COBL: variants seen among roughly 807,000 people sequenced by gnomAD.
COBL encodes the protein cordon-bleu WH2 repeat protein, also known as protein cordon-bleu.
Under a neutral mutation model 98.8 loss-of-function variants are expected in COBL, and 51 were observed. The ratio of observed to expected loss-of-function variants is 0.52; its 90% CI spans 0.41 to 0.65. The LOEUF is 0.65. Ranked by LOEUF, COBL falls within the 30% of genes least tolerant of loss-of-function variation. COBL has a pLI of 0.00. For missense variants in COBL, 1,617 were observed against 1,617.5 expected (o/e 1.00, Z 0.01); for synonymous variants, 634 against 651.7 (o/e 0.97, Z 0.41).
intron 4 of COBL, among the ~76,000 whole-genome samples, chr7:51,188,169 A>G (rs970703112): frequency 3.9e-5 from 6 of 152,256 alleles, no homozygotes; most frequent in African/African-American, 1.4e-4. Flanking sequence ...CGCAGGTGGC[A>G]GCAGAGCCCT....
intron 7 of COBL, among the ~76,000 whole-genome samples, chr7:51,050,452 G>C (rs78547956): frequency 0.019 from 2,883 of 152,288 alleles, 69 homozygotes; most frequent in African/African-American, 0.065. Context: ...TGTGTTAAAA[G>C]AATTCTGTCC....
chr7:51,250,407 T>C (rs1796628422), intron 1 of COBL, among the ~76,000 whole-genome samples: 1 of 152,174 alleles, frequency 6.6e-6, no homozygotes, highest in Non-Finnish European at 1.5e-5. Flanking sequence ...AGTTTGAAAA[T>C]AAAAATAGTT....
At chr7:51,161,141 C>G (rs1786760639) in intron 5 of COBL, among the ~76,000 whole-genome samples, 1 of 152,152 alleles carries the variant, frequency 6.6e-6, no homozygotes, top group Non-Finnish European at 1.5e-5. Context: ...ACTCCAAAAA[C>G]AGAACAGATT....
At chr7:51,085,075 A>C in intron 7 of COBL, 91 bp downstream of exon 7, 1 of 1,585,874 alleles carries the variant, frequency 6.3e-7, no homozygotes, top group Middle Eastern at 2.1e-4. Flanking sequence ...GTCATTATGG[A>C]TGAGGCCACT....
chr7:51,143,616 G>T (rs570153474), intron 5 of COBL, among the ~76,000 whole-genome samples: 1 of 152,134 alleles, frequency 6.6e-6, no homozygotes, highest in East Asian at 1.9e-4. Flanking sequence ...TCTGGGTGCC[G>T]ACTGAAAGGG....
At chr7:51,055,720 C>T (rs754657070) in intron 7 of COBL, among the ~76,000 whole-genome samples, 8 of 152,214 alleles carry the variant, frequency 5.3e-5, no homozygotes, top group South Asian at 2.1e-4. Context: ...TCGTACCTCC[C>T]CCAGAGTTCC....
Position 51,184,214 on chromosome 7 carries a change from C to T in COBL, c.686-15G>A. The T allele has an allele frequency of 7.1e-7, 1 of 1,404,306 alleles. No homozygotes were observed. Among genetic ancestry groups the T allele is most frequent in the African/African-American group, 1.4e-5 (1 of 69,022 alleles). The allele number at this position is 1,404,306 out of a possible 1,614,324, so 87.0% of individuals were successfully genotyped here. A position where few individuals can be genotyped will look rare whatever the true frequency, so the allele number is the denominator to read the frequency against. ...CCTAAAGGTTTCTGGAAAAAAAAAG[C>T]ACTAAGTTATTTTTCAGCATCTGAA... is the stretch of plus-strand genomic sequence containing the variant. On this transcript the variant is annotated splice_polypyrimidine_tract_variant and intron_variant, in intron 4 of 12. Transcript: ENST00000265136.
chr7:51,303,282 C>T (rs1264399327), intron 1 of COBL, among the ~76,000 whole-genome samples: 3 of 152,062 alleles, frequency 2.0e-5, no homozygotes, highest in South Asian at 2.1e-4. Flanking sequence ...AATCCCGGGC[C>T]GGGCGTGGTG....
At chr7:51,200,065 T>G (rs1177678322) in intron 2 of COBL, among the ~76,000 whole-genome samples, 1 of 152,072 alleles carries the variant, frequency 6.6e-6, no homozygotes, top group Non-Finnish European at 1.5e-5. Flanking sequence ...AAGGGAAACA[T>G]TGTAAGATTT....
At chr7:51,056,558 G>A (rs1790766232) in intron 7 of COBL, among the ~76,000 whole-genome samples, 1 of 152,110 alleles carries the variant, frequency 6.6e-6, no homozygotes, top group South Asian at 2.1e-4. Flanking sequence ...TTAGTTATTT[G>A]TATCAATTGC....
At chr7:51,299,505 G>C (rs888152537) in intron 1 of COBL, among the ~76,000 whole-genome samples, 1 of 152,266 alleles carries the variant, frequency 6.6e-6, no homozygotes, top group Admixed American at 6.5e-5. Flanking sequence ...AGGTTTCAGG[G>C]GGACTGACCC....
chr7:51,198,921 G>A (rs1164435896), intron 2 of COBL, among the ~76,000 whole-genome samples: 1 of 152,226 alleles, frequency 6.6e-6, no homozygotes, highest in Non-Finnish European at 1.5e-5. Flanking sequence ...GGGATACACT[G>A]AGAAATCAGG....
chr7:51,258,150 T>C (rs963086408), intron 1 of COBL, among the ~76,000 whole-genome samples: 16 of 152,216 alleles, frequency 1.1e-4, no homozygotes, highest in Non-Finnish European at 5.9e-5. Flanking sequence ...CCTAAATAAA[T>C]TAAAAGAACA....
At chr7:51,306,324 G>C (rs1182796028) in intron 1 of COBL, among the ~76,000 whole-genome samples, 2 of 152,138 alleles carry the variant, frequency 1.3e-5, no homozygotes, top group Non-Finnish European at 2.9e-5. Flanking sequence ...GGCCCTAAAA[G>C]CATCACCCAG....
At chr7:51,117,517 T>A (rs1159125388) in intron 6 of COBL, among the ~76,000 whole-genome samples, 1 of 152,134 alleles carries the variant, frequency 6.6e-6, no homozygotes, top group African/African-American at 2.4e-5. Context: ...ATATTGGCTA[T>A]TGTGTTCTTC....
intron 1 of COBL, among the ~76,000 whole-genome samples, chr7:51,227,670 G>A (rs539404786): frequency 6.6e-6 from 1 of 152,248 alleles, no homozygotes; most frequent in African/African-American, 2.4e-5. Flanking sequence ...CCTCTTCCTT[G>A]TACATTATTT....
chr7:51,120,037 T>G (rs1437064810), intron 6 of COBL, among the ~76,000 whole-genome samples: 1 of 152,186 alleles, frequency 6.6e-6, no homozygotes, highest in Non-Finnish European at 1.5e-5. Context: ...AGCAAAGATA[T>G]GCTACATGCT....
At chr7:51,262,791 G>T (rs1487766569) in intron 1 of COBL, among the ~76,000 whole-genome samples, 4 of 152,192 alleles carry the variant, frequency 2.6e-5, no homozygotes, top group Admixed American at 1.3e-4. Flanking sequence ...ATACAAGGAT[G>T]AAGAGGGCAA....
At chr7:51,112,124 A>C (rs1312249943) in intron 6 of COBL, among the ~76,000 whole-genome samples, 1 of 152,222 alleles carries the variant, frequency 6.6e-6, no homozygotes, top group African/African-American at 2.4e-5. Context: ...CAACTGTACA[A>C]GGCTTGGAAA....
Sources: allele counts gnomAD v4.1 joint callset (sites outside exome capture counted in the v4.1 genomes callset), GRCh38; gene constraint gnomAD v4.1.1; transcripts MANE v1.5; gene names NCBI Gene and HGNC (gene_info 2026-07-23, HGNC 2026-07-21).